Variants in WWC2 observed in about 807,000 individuals in gnomAD.
WWC2 encodes the protein WW and C2 domain containing 2.
Under a neutral mutation model 138.5 loss-of-function variants are expected in WWC2, and 101 were observed. The observed-to-expected ratio is 0.73, with a 90% confidence interval of 0.62 to 0.86. The LOEUF is 0.86. WWC2 is among the 40% of genes least tolerant of loss of function. The probability of loss-of-function intolerance (pLI) is 0.00; values close to 1 mark genes in which losing one functional copy is unlikely to be tolerated. For synonymous variants in WWC2, 558 were observed against 538.4 expected (o/e 1.04, Z -0.50); for missense variants, 1,420 against 1,419.4 (o/e 1.00, Z -0.01).
chr4:183,121,651 A>G (rs190830030), intron 1 of WWC2, among the ~76,000 whole-genome samples: 2 of 152,270 alleles, frequency 1.3e-5, no homozygotes, highest in Non-Finnish European at 2.9e-5. Flanking sequence ...TGTTCCCCAC[A>G]CCTTTGTCAA....
intron 4 of WWC2, among the ~76,000 whole-genome samples, chr4:183,233,253 T>A (rs1580086597): frequency 6.8e-6 from 1 of 147,296 alleles, no homozygotes; most frequent in South Asian, 2.3e-4. Flanking sequence ...GCCTCCTGGG[T>A]TCAAACGATT....
Position 183,271,200 on chromosome 4 carries a change from G to C in WWC2, c.2521G>C (p.Val841Leu). Residue 841 changes from valine (V) to leucine (L), a missense_variant, in exon 16 of 23, where the codon GTA becomes CTA. Physicochemically the swap from Val to Leu is conservative, Grantham distance 32 (BLOSUM62 1). Coordinates refer to ENST00000403733, the MANE Select transcript of WWC2 (RefSeq NM_024949.6). The part of the protein sequence containing the change: ...CKKNEENEDS[V>L]FQPNQPLVDS... The stretch of plus-strand genomic sequence containing the variant: ...AAAGAATGAAGAAAATGAGGACTCT[G>C]TATTTCAACCAAACCAGCCGTTAGT... The C allele has an allele frequency of 6.2e-7, 1 of 1,612,700 alleles. No individual in the cohort carries two copies. The highest frequency in any genetic ancestry group is 8.5e-7 in the Non-Finnish European group (1 of 1,179,374).
intron 1 of WWC2, among the ~76,000 whole-genome samples, chr4:183,191,484 A>AGG (rs1312446535): frequency 2.4e-4 from 36 of 152,212 alleles, no homozygotes; most frequent in Non-Finnish European, 3.8e-4. Context: ...AAAATACATT[A>AGG]GGAAGCTAGG....
chr4:183,152,548 G>T (rs1474926767), intron 1 of WWC2, among the ~76,000 whole-genome samples: 4 of 144,484 alleles, frequency 2.8e-5, no homozygotes, highest in African/African-American at 7.7e-5. Flanking sequence ...AAAAAAAAAC[G>T]CACACACAGG....
At chr4:183,219,470 A>G (rs778091532) in intron 4 of WWC2, among the ~76,000 whole-genome samples, 1 of 152,242 alleles carries the variant, frequency 6.6e-6, no homozygotes, top group Non-Finnish European at 1.5e-5. Flanking sequence ...TCTAAATAAA[A>G]TAATGAAAAA....
intron 10 of WWC2, 109 bp downstream of exon 10, chr4:183,259,837 T>C (rs1270478055): frequency 1.7e-5 from 14 of 802,552 alleles, no homozygotes; most frequent in Middle Eastern, 2.6e-4. Flanking sequence ...AAAATCATTA[T>C]AGTAGCACAG....
intron 1 of WWC2, among the ~76,000 whole-genome samples, chr4:183,143,257 A>G (rs544742669): frequency 1.3e-5 from 2 of 152,082 alleles, no homozygotes; most frequent in East Asian, 3.9e-4. Flanking sequence ...ATTTTGCCAG[A>G]AAAAAAACTG....
intron 4 of WWC2, among the ~76,000 whole-genome samples, chr4:183,225,448 TAAAGGTGAGTC>T (rs1736042416): frequency 1.3e-5 from 2 of 152,100 alleles, no homozygotes; most frequent in African/African-American, 4.8e-5. Flanking sequence ...GAAAAGAAAA[TAAAGGTGAGTC>T]CCTACCTTAC....
At chr4:183,144,693 C>CTAATAAGACCTCTTA (rs1733400406) in intron 1 of WWC2, among the ~76,000 whole-genome samples, 1 of 152,110 alleles carries the variant, frequency 6.6e-6, no homozygotes, top group Non-Finnish European at 1.5e-5. Context: ...CGATGTCTTA[C>CTAATAAGACCTCTTA]TAATAAGAGG....
At chr4:183,248,654 A>G (rs1185259424) in intron 6 of WWC2, 60 bp from the exon 7 acceptor site, 33 of 1,463,144 alleles carry the variant, frequency 2.3e-5, no homozygotes, top group Admixed American at 4.2e-5. Context: ...TTCACCTGGT[A>G]GGGAAGGTTT....
At chr4:183,267,125 G>A (rs1464104142) in intron 14 of WWC2, among the ~76,000 whole-genome samples, 7 of 151,806 alleles carry the variant, frequency 4.6e-5, no homozygotes, top group Non-Finnish European at 1.5e-5. Flanking sequence ...CCAAAGTGCT[G>A]GGATTACAGG....
At chr4:183,100,050 C>T (rs1424466319) in intron 1 of WWC2, among the ~76,000 whole-genome samples, 1 of 152,234 alleles carries the variant, frequency 6.6e-6, no homozygotes, top group Non-Finnish European at 1.5e-5. Context: ...TGGCATCCCT[C>T]AGGCCGTCCT....
rs955941065 is a variant in WWC2 at position 183,131,491 on chromosome 4, C to A, written c.131+31869C>A. ...ATTCGTTTACCTTTTCTTTGAAATT[C>A]CTAGATGGGGTTTTTGTTTTTTCTT... On this transcript the variant is annotated intron_variant, in intron 1 of 22. Coordinates refer to ENST00000403733, the MANE Select transcript of WWC2 (RefSeq NM_024949.6). Among the ~76,000 whole-genome samples the A allele has an allele frequency of 4.6e-5, 7 of 151,970 alleles. 1 individual carries two copies. Among genetic ancestry groups the A allele is most frequent in the Non-Finnish European group, 7.4e-5 (5 of 67,988 alleles).
intron 1 of WWC2, 54 bp downstream of exon 1, chr4:183,099,676 C>G (rs983299428): frequency 4.8e-5 from 57 of 1,191,286 alleles, no homozygotes; most frequent in African/African-American, 9.7e-5. Context: ...GCTGTTGTCC[C>G]GGAGACCCGG....
intron 1 of WWC2, among the ~76,000 whole-genome samples, chr4:183,177,179 T>C (rs1055299845): frequency 6.6e-6 from 1 of 152,226 alleles, no homozygotes; most frequent in Non-Finnish European, 1.5e-5. Context: ...CTACTTTAGA[T>C]AGACTCATGC....
At chr4:183,111,241 AAAAAT>A (rs1345571505) in intron 1 of WWC2, among the ~76,000 whole-genome samples, 5 of 152,208 alleles carry the variant, frequency 3.3e-5, no homozygotes, top group Admixed American at 2.6e-4. Flanking sequence ...CTCCATCTCA[AAAAAT>A]AAAATAAAAT....
chr4:183,256,940 C>T (rs1196634713), intron 9 of WWC2, among the ~76,000 whole-genome samples: 1 of 148,376 alleles, frequency 6.7e-6, no homozygotes, highest in Non-Finnish European at 1.5e-5. Flanking sequence ...GCAGTGTCGC[C>T]CACTGGGCCT....
chr4:183,175,356 G>T (rs1734433323), intron 1 of WWC2, among the ~76,000 whole-genome samples: 1 of 151,988 alleles, frequency 6.6e-6, no homozygotes, highest in Non-Finnish European at 1.5e-5. Flanking sequence ...TGATCTCCTG[G>T]GCTCAGGTGA....
At chr4:183,142,211 AC>A (rs1379051419) in intron 1 of WWC2, among the ~76,000 whole-genome samples, 1 of 152,146 alleles carries the variant, frequency 6.6e-6, no homozygotes, top group African/African-American at 2.4e-5. Flanking sequence ...TAAGGGTGAC[AC>A]CCCCTGGTTC....
Sources: allele counts gnomAD v4.1 joint callset (sites outside exome capture counted in the v4.1 genomes callset), GRCh38; gene constraint gnomAD v4.1.1; transcripts MANE v1.5; gene names NCBI Gene and HGNC (gene_info 2026-07-23, HGNC 2026-07-21).